Variants in RNF43 observed in about 807,000 individuals in gnomAD.
The protein encoded by RNF43 is E3 ubiquitin-protein ligase RNF43.
In RNF43, 37 loss-of-function variants were observed where a neutral mutation model predicts 78.4. That is an observed-to-expected ratio of 0.47 (90% CI 0.36 to 0.62). The LOEUF (loss-of-function observed/expected upper bound fraction) is 0.62. Ranked by LOEUF, RNF43 falls within the 20% of genes least tolerant of loss-of-function variation. The pLI, the probability that RNF43 is intolerant of heterozygous loss-of-function variation, is 0.00. For synonymous variants in RNF43, 347 were observed against 395.0 expected (o/e 0.88, Z 1.44); for missense variants, 774 against 1,007.9 (o/e 0.77, Z 3.14).
At chr17:58,399,760 G>A (rs1320440437) in intron 2 of RNF43, among the ~76,000 whole-genome samples, 1 of 151,770 alleles carries the variant, frequency 6.6e-6, no homozygotes, top group Admixed American at 6.6e-5. Flanking sequence ...TCCTGCCTCA[G>A]CCTCCCAAGT....
At chr17:58,373,455 C>T (rs1451983312) in intron 2 of RNF43, among the ~76,000 whole-genome samples, 1 of 152,212 alleles carries the variant, frequency 6.6e-6, no homozygotes, top group Non-Finnish European at 1.5e-5. Flanking sequence ...ATAAAGGCCT[C>T]TTGTGTGCCA....
intron 2 of RNF43, among the ~76,000 whole-genome samples, chr17:58,406,083 A>T (rs2143662112): frequency 6.6e-6 from 1 of 152,354 alleles, no homozygotes; most frequent in African/African-American, 2.4e-5. Context: ...ATTCTGTGGC[A>T]GAATAAATGA....
At chr17:58,359,465 A>G (rs941113664) in intron 8 of RNF43, among the ~76,000 whole-genome samples, 7 of 151,706 alleles carry the variant, frequency 4.6e-5, no homozygotes, top group South Asian at 2.1e-4. Context: ...TTAGCTGGGC[A>G]TGGTGGCGGG....
chr17:58,390,672 C>G (rs538275339), intron 2 of RNF43, among the ~76,000 whole-genome samples: 2 of 152,274 alleles, frequency 1.3e-5, no homozygotes, highest in South Asian at 2.1e-4. Flanking sequence ...TCCTTTGATA[C>G]CAGCATACTC....
rs201082136 is a variant in RNF43 at position 58,362,685 on chromosome 17, C to G, written c.583-37G>C. 4.6e-4 allele frequency: 696 copies of G among 1,518,478 alleles called. No individual in the cohort carries two copies. Among genetic ancestry groups the G allele is most frequent in the Non-Finnish European group, 4.1e-4 (459 of 1,108,388 alleles). The allele number at this position is 1,518,478 out of a possible 1,614,324, so 94.1% of individuals were successfully genotyped here. A position where few individuals can be genotyped will look rare whatever the true frequency, so the allele number is the denominator to read the frequency against. Reference sequence around the variant, plus strand: ...GCAGAGAGGGAAAGGGTCATACTTCCGGGATGAGCTGGGTCAATTCGGGAG... The same window carrying G: ...GCAGAGAGGGAAAGGGTCATACTTCGGGGATGAGCTGGGTCAATTCGGGAG... On this transcript the variant is annotated intron_variant, in intron 5 of 9. Transcript: ENST00000407977.
intron 5 of RNF43, chr17:58,363,043 A>G: frequency 1.8e-6 from 1 of 570,466 alleles, no homozygotes; most frequent in Non-Finnish European, 3.1e-6. Flanking sequence ...CCATGAAGCC[A>G]CAGAGCTGTA....
chr17:58,416,685 G>A (rs1236484373), intron 1 of RNF43: 1 of 152,164 alleles, frequency 6.6e-6, no homozygotes, highest in Non-Finnish European at 1.5e-5. Context: ...GAGCAGGGAG[G>A]CGATTAACCA....
chr17:58,397,742 C>G (rs1037181761), intron 2 of RNF43, among the ~76,000 whole-genome samples: 12 of 151,948 alleles, frequency 7.9e-5, no homozygotes, highest in East Asian at 3.9e-4. Context: ...AATTATCAGG[C>G]CCAGAGAGAC....
chr17:58,377,508 C>A (rs1417341133), intron 2 of RNF43, among the ~76,000 whole-genome samples: 1 of 152,158 alleles, frequency 6.6e-6, no homozygotes, highest in Non-Finnish European at 1.5e-5. Flanking sequence ...ATGAAGGAAG[C>A]CATGTGATCT....
intron 2 of RNF43, among the ~76,000 whole-genome samples, chr17:58,394,153 G>C (rs1397458624): frequency 6.6e-6 from 1 of 152,182 alleles, no homozygotes; most frequent in Non-Finnish European, 1.5e-5. Context: ...CTCTCTTGAG[G>C]AAAGACAAGA....
chr17:58,352,941 C>G (rs1026697546), downstream of RNF43: 11 of 214,430 alleles, frequency 5.1e-5, no homozygotes, highest in Admixed American at 2.9e-4. Context: ...AACCACCACC[C>G]CTACCAAACC....
chr17:58,397,766 C>T (rs542632082), intron 2 of RNF43, among the ~76,000 whole-genome samples: 37 of 152,102 alleles, frequency 2.4e-4, no homozygotes, highest in Middle Eastern at 3.4e-3. Flanking sequence ...AAAATGAGAC[C>T]GCAGTCAAGT....
At chr17:58,370,641 G>T (rs1973072688) in intron 3 of RNF43, among the ~76,000 whole-genome samples, 1 of 152,192 alleles carries the variant, frequency 6.6e-6, no homozygotes, top group African/African-American at 2.4e-5. Context: ...CAGAGCAGGG[G>T]AAGGGACTCA....
intron 2 of RNF43, among the ~76,000 whole-genome samples, chr17:58,380,724 C>T (rs1973295200): frequency 6.6e-6 from 1 of 152,236 alleles, no homozygotes; most frequent in Non-Finnish European, 1.5e-5. Context: ...GGCAGAGCTA[C>T]TTGAGCATTG....
At chr17:58,415,244 T>C (rs1974098155) in intron 2 of RNF43, 82 bp downstream of exon 2, 7 of 1,449,684 alleles carry the variant, frequency 4.8e-6, no homozygotes, top group Non-Finnish European at 6.7e-6. Context: ...GAAGCCCGTG[T>C]ATGGTATTTC....
At chr17:58,400,029 C>CT (rs1419015037) in intron 2 of RNF43, among the ~76,000 whole-genome samples, 3 of 152,280 alleles carry the variant, frequency 2.0e-5, no homozygotes, top group Admixed American at 6.5e-5. Flanking sequence ...CCCTCAGACT[C>CT]TGATAAGTCA....
At chr17:58,362,884 C>T (rs1972867361) in intron 5 of RNF43, among the ~76,000 whole-genome samples, 1 of 152,126 alleles carries the variant, frequency 6.6e-6, no homozygotes, top group Non-Finnish European at 1.5e-5. Flanking sequence ...AACCCATGTG[C>T]TTGGGGAAAA....
chr17:58,405,466 G>A (rs1052960549), intron 2 of RNF43, among the ~76,000 whole-genome samples: 2 of 151,808 alleles, frequency 1.3e-5, no homozygotes, highest in African/African-American at 4.8e-5. Context: ...TTAATCATAG[G>A]GAATCTGAGA....
chr17:58,406,916 A>G (rs771668991), intron 2 of RNF43, among the ~76,000 whole-genome samples: 1 of 152,006 alleles, frequency 6.6e-6, no homozygotes. Context: ...CACAAAAGTG[A>G]TAGGTACATA....
Sources: allele counts gnomAD v4.1 joint callset (sites outside exome capture counted in the v4.1 genomes callset), GRCh38; gene constraint gnomAD v4.1.1; transcripts MANE v1.5; gene names NCBI Gene and HGNC (gene_info 2026-07-23, HGNC 2026-07-21).